Variants in SNRPE observed in about 807,000 individuals in gnomAD.
The protein encoded by SNRPE is small nuclear ribonucleoprotein E.
For synonymous variants in SNRPE, 35 were observed against 36.7 expected, an observed-to-expected ratio of 0.95 and a Z score of 0.17; for missense variants, 53 against 111.6, an observed-to-expected ratio of 0.48 and a Z score of 2.36.
intron 3 of SNRPE, 103 bp from the exon 4 acceptor site, chr1:203,864,938 G>T: frequency 1.9e-6 from 2 of 1,051,322 alleles, no homozygotes; most frequent in Non-Finnish European, 2.6e-6. Flanking sequence ...TGAGAAGAGT[G>T]AATCTTTGAA....
rs1690203899 is a variant in SNRPE, at chr1:203,870,967, CA to C, written c.*1036del. Among the ~76,000 whole-genome samples the C allele has an allele frequency of 6.6e-6, 1 of 152,226 alleles. No individual in the cohort carries two copies. The highest frequency in any genetic ancestry group is 1.5e-5 in the Non-Finnish European group (1 of 68,034). On this transcript the variant is annotated 3_prime_UTR_variant, in exon 5 of 5. Transcript: ENST00000414487. The stretch of plus-strand genomic sequence containing the variant: ...AAGAAGTCTGGCTCCTGCTTTTCTA[CA>C]TGCCTGTGAAGGAGACTTTTCATGA...
In SNRPE at chr1:203,861,732, C is replaced by T. The variant is rs1689981051; in HGVS notation, c.54+19C>T. 6.3e-7 allele frequency: 1 copy of T among 1,592,258 alleles called. No individual in the cohort carries two copies. Among genetic ancestry groups the T allele is most frequent in the Non-Finnish European group, 8.6e-7 (1 of 1,159,982 alleles). On this transcript the variant is annotated intron_variant, in intron 1 of 4. Coordinates refer to ENST00000414487, the MANE Select transcript of SNRPE (RefSeq NM_003094.4). Reference sequence around the variant, plus strand: ...GCCCATCGTATCCTACGCAGGATGTCAGGACTAGGAGGTTCGGGTCAGAAT... The same window carrying T: ...GCCCATCGTATCCTACGCAGGATGTTAGGACTAGGAGGTTCGGGTCAGAAT...
chr1:203,866,271 C>T (rs1690086710), intron 4 of SNRPE, among the ~76,000 whole-genome samples: 1 of 152,184 alleles, frequency 6.6e-6, no homozygotes, highest in Non-Finnish European at 1.5e-5. Context: ...TTTGCAGTAT[C>T]ACACCTTGGC....
At position 203,870,371 on chromosome 1, in the gene SNRPE, TA is replaced by T. The variant is rs1465944229; in HGVS notation, c.*442del. On this transcript the variant is annotated 3_prime_UTR_variant, in exon 5 of 5. Coordinates refer to ENST00000414487, the MANE Select transcript of SNRPE (RefSeq NM_003094.4). The stretch of plus-strand genomic sequence containing the variant: ...TGCTGGAATACCAGAGTTTCTAACC[TA>T]AATATGTTGGGTACATTATTTAATG... 6.4e-6 allele frequency: 1 copy of T among 155,830 alleles called. No homozygotes were observed. The highest frequency in any genetic ancestry group is 1.4e-5 in the Non-Finnish European group (1 of 70,744). 9.7% of individuals were successfully genotyped at this position (155,830 alleles called of 1,614,324 possible).
chr1:203,864,069 C>T (rs1341387167), intron 3 of SNRPE, among the ~76,000 whole-genome samples: 4 of 152,128 alleles, frequency 2.6e-5, no homozygotes, highest in African/African-American at 9.7e-5. Context: ...GTCCTCCTGC[C>T]TCAGCCTCCC....
At chr1:203,864,897 A>AC in intron 3 of SNRPE, 144 bp from the exon 4 acceptor site, 1 of 438,626 alleles carries the variant, frequency 2.3e-6, no homozygotes, top group Non-Finnish European at 3.3e-6. Flanking sequence ...AAAAAAAAAA[A>AC]AAAACTTTGG....
intron 4 of SNRPE, among the ~76,000 whole-genome samples, chr1:203,865,937 C>T (rs769555831): frequency 1.3e-5 from 2 of 152,196 alleles, no homozygotes; most frequent in African/African-American, 2.4e-5. Context: ...TCTGCAAGCT[C>T]ACCACTCTGG....
chr1:203,864,437 AATTTTTTTTTTTAAGTTGGG>A (rs1690044034), intron 3 of SNRPE, among the ~76,000 whole-genome samples: 1 of 82,560 alleles, frequency 1.2e-5, no homozygotes, highest in South Asian at 4.1e-4. Flanking sequence ...GGCTACCCTA[AATTTTTTTTTTTAAGTTGGG>A]GTCCGGCTCT....
At chr1:203,869,831 C>T in intron 4 of SNRPE, 46 bp from the exon 5 acceptor site, 2 of 1,357,272 alleles carry the variant, frequency 1.5e-6, no homozygotes, top group Non-Finnish European at 2.1e-6. Context: ...AGTAAAACAT[C>T]TGAGTGTGTG....
chr1:203,869,347 C>T (rs1052869641), intron 4 of SNRPE, among the ~76,000 whole-genome samples: 37 of 96,342 alleles, frequency 3.8e-4, no homozygotes, highest in African/African-American at 1.4e-3. Context: ...GCTCTTGTTG[C>T]CCAGGCTGGA....
chr1:203,864,803 A>AG (rs1690052871), intron 3 of SNRPE, among the ~76,000 whole-genome samples: 1 of 148,774 alleles, frequency 6.7e-6, no homozygotes, highest in African/African-American at 2.5e-5. Flanking sequence ...GCTTGAACCC[A>AG]GGAGGTCCAG....
Position 203,864,891 on chromosome 1 carries a change from A to AAT in SNRPE, c.145-149_145-148insTA, listed in dbSNP as rs1215661377. 1,099 of 631,566 alleles carry AAT rather than the reference A, an allele frequency of 1.7e-3. 18 individuals carry two copies. In the African/African-American group the frequency reaches 0.02, roughly 12 times the overall value. 39.1% of individuals were successfully genotyped at this position (631,566 alleles called of 1,614,324 possible). On this transcript the variant is annotated intron_variant, in intron 3 of 4. Transcript: ENST00000414487. ...GATCCTTTCTCAAAAAAAAAAAAAAAAAAAAAAAAACTTTGGGTGGAAGGT... is the reference window on the plus strand; with the variant it reads ...GATCCTTTCTCAAAAAAAAAAAAAAAATAAAAAAAAAACTTTGGGTGGAAGGT...
Position 203,869,289 on chromosome 1 carries a change from CTTTTTTTTTTTTTTTTTTTTTTT to C in SNRPE, c.224-576_224-554del. 3.0e-5 allele frequency among the ~76,000 whole-genome samples: 2 copies of C among 66,814 alleles called. 1 individual carries two copies. Among genetic ancestry groups the C allele is most frequent in the East Asian group, 1.0e-3 (2 of 1,968 alleles). 43.8% of individuals were successfully genotyped at this position (66,814 alleles called of 152,430 possible). A position where few individuals can be genotyped will look rare whatever the true frequency, so the allele number is the denominator to read the frequency against. On this transcript the variant is annotated intron_variant, in intron 4 of 4. Coordinates refer to ENST00000414487, the MANE Select transcript of SNRPE (RefSeq NM_003094.4). ...AGGTTTGTTTATTGTAGGATGGAGT[CTTTTTTTTTTTTTTTTTTTTTTT>C]TTTTTTTTTTTGGAGATGAATTTTG...
rs375190677 is a variant in SNRPE, at chr1:203,869,905, T to C, written c.252T>C (p.Ile84=). ...GGATCATGCTAAAAGGAGATAATAT[T>C]ACTCTGCTACAAAGTGTCTCCAACT... ...LGRIMLKGDN[I]TLLQSVSN The change falls in exon 5 of 5, where the codon ATT becomes ATC. Residue 84 remains isoleucine, a synonymous_variant. Transcript: ENST00000414487. The C allele has an allele frequency of 3.1e-6, 5 of 1,606,308 alleles. No homozygotes were observed. The highest frequency in any genetic ancestry group is 4.3e-6 in the Non-Finnish European group (5 of 1,175,920).
chr1:203,869,026 T>A lies in SNRPE; in HGVS notation c.224-851T>A, dbSNP rs183195541. Among the ~76,000 whole-genome samples the A allele has an allele frequency of 2.0e-3, 312 of 152,312 alleles. 1 individual carries two copies. Among genetic ancestry groups the A allele is most frequent in the Non-Finnish European group, 3.7e-3 (253 of 68,036 alleles). On this transcript the variant is annotated intron_variant, in intron 4 of 4. Transcript: ENST00000414487. ...ACGGGCAAGCTTAGCCTTACTGAGG[T>A]CATATTATTCATAAATTATTTACCA...
intron 4 of SNRPE, among the ~76,000 whole-genome samples, chr1:203,866,684 T>A (rs1690094115): frequency 6.6e-6 from 1 of 152,142 alleles, no homozygotes; most frequent in Non-Finnish European, 1.5e-5. Context: ...GCCTCACTCA[T>A]CTTTTAAAAA....
At position 203,861,641 on chromosome 1, in the gene SNRPE, C is replaced by A; in HGVS notation, c.-19C>A. 1 of 1,607,316 alleles carries A rather than the reference C, an allele frequency of 6.2e-7. No individual in the cohort carries two copies. The highest frequency in any genetic ancestry group is 8.5e-7 in the Non-Finnish European group (1 of 1,173,702). On this transcript the variant is annotated 5_prime_UTR_variant, in exon 1 of 5. Transcript: ENST00000414487. ...CTCTCAGAGGCAGCGTGCGGGTGTG[C>A]TCTTTGTGAAATTCCACCATGGCGT...
At chr1:203,862,779 A>G (rs1204798106) in intron 2 of SNRPE, among the ~76,000 whole-genome samples, 3 of 152,168 alleles carry the variant, frequency 2.0e-5, no homozygotes. Context: ...ATTTCAGGTG[A>G]TAATAATTCT....
chr1:203,869,289 C>CTGTTTTT (rs1690161709), intron 4 of SNRPE, among the ~76,000 whole-genome samples: 1 of 66,792 alleles, frequency 1.5e-5, no homozygotes, highest in Non-Finnish European at 2.6e-5. Context: ...AGGATGGAGT[C>CTGTTTTT]TTTTTTTTTT....
Sources: allele counts gnomAD v4.1 joint callset (sites outside exome capture counted in the v4.1 genomes callset), GRCh38; gene constraint gnomAD v4.1.1; transcripts MANE v1.5; gene names NCBI Gene and HGNC (gene_info 2026-07-23, HGNC 2026-07-21).